IGFBP5: variants seen among roughly 807,000 people sequenced by gnomAD.
IGFBP5 encodes the protein insulin-like growth factor-binding protein 5.
In IGFBP5, 12 loss-of-function variants were observed where a neutral mutation model predicts 28.0. That is an observed-to-expected ratio of 0.43 (90% CI 0.27 to 0.69). The LOEUF is 0.69. IGFBP5 is among the 30% of genes least tolerant of loss of function. IGFBP5 has a pLI of 0.20. For missense variants in IGFBP5, 344 were observed against 381.6 expected, an observed-to-expected ratio of 0.90 and a Z score of 0.82; for synonymous variants, 152 against 150.2, an observed-to-expected ratio of 1.01 and a Z score of -0.09.
In IGFBP5 at chr2:216,684,127, A is replaced by G. The variant is rs749052422; in HGVS notation, c.338-5048T>C. Among the ~76,000 whole-genome samples, 49 of 152,180 alleles carry G rather than the reference A, an allele frequency of 3.2e-4. No individual in the cohort carries two copies. In the Middle Eastern group the frequency reaches 0.02, roughly 63 times the overall value. ...CCAGAGGCATCTTAGGGTGAGAAAT[A>G]CTCCATGCTGCACAATTGCACAACG... is the stretch of plus-strand genomic sequence containing the variant. On this transcript the variant is annotated intron_variant, in intron 1 of 3. Coordinates refer to ENST00000233813, the MANE Select transcript of IGFBP5 (RefSeq NM_000599.4).
In IGFBP5 at chr2:216,679,951, GA is replaced by G. The variant is rs1688950857; in HGVS notation, c.338-873del. Among the ~76,000 whole-genome samples the G allele has an allele frequency of 6.6e-6, 1 of 152,178 alleles. No individual in the cohort carries two copies. The highest frequency in any genetic ancestry group is 1.5e-5 in the Non-Finnish European group (1 of 68,028). The stretch of plus-strand genomic sequence containing the variant: ...TGGCTTTTGACCTTTAGAGAAGTCA[GA>G]CTTTGTTGATGTATTTGTTGATCCT... On this transcript the variant is annotated intron_variant, in intron 1 of 3. Coordinates refer to ENST00000233813, the MANE Select transcript of IGFBP5 (RefSeq NM_000599.4). This position sits in a 1 kb window ranked among gnomAD's most constrained non-coding sequence, Gnocchi z 4.6.
In IGFBP5 at chr2:216,672,336, T is replaced by C. The variant is rs1688840019; in HGVS notation, c.*4415A>G. 6.7e-6 allele frequency: 1 copy of C among 149,504 alleles called. No individual in the cohort carries two copies. Among genetic ancestry groups the C allele is most frequent in the African/African-American group, 2.5e-5 (1 of 39,986 alleles). The allele number at this position is 149,504 out of a possible 1,614,324, so 9.3% of individuals were successfully genotyped here. On this transcript the variant is annotated 3_prime_UTR_variant, in exon 4 of 4. Transcript: ENST00000233813. ...TTTTTTTTCGGCTTTTTTTTTTTTTTCTCACAAACTGGTTGCATTTGTTGA... is the reference window on the plus strand; with the variant it reads ...TTTTTTTTCGGCTTTTTTTTTTTTTCCTCACAAACTGGTTGCATTTGTTGA...
chr2:216,694,414 T>G lies in IGFBP5; in HGVS notation c.337+25A>C. On this transcript the variant is annotated intron_variant, in intron 1 of 3. Transcript: ENST00000233813. The surrounding 1 kb of genome is among the most constrained non-coding windows in gnomAD (Gnocchi z 5.2). ...GTCCCCCGCCCGTGCGCCGCGTAAC[T>G]GACTGGCACACTGAGCGCGCTCACC... The G allele has an allele frequency of 6.8e-7, 1 of 1,473,484 alleles. No individual in the cohort carries two copies. Among genetic ancestry groups the G allele is most frequent in the Non-Finnish European group, 9.0e-7 (1 of 1,113,410 alleles). 91.3% of individuals were successfully genotyped at this position (1,473,484 alleles called of 1,614,324 possible). A position where few individuals can be genotyped will look rare whatever the true frequency, so the allele number is the denominator to read the frequency against.
chr2:216,677,245 C>T (rs747461568), intron 3 of IGFBP5, among the ~76,000 whole-genome samples: 2 of 151,944 alleles, frequency 1.3e-5, no homozygotes, highest in Non-Finnish European at 2.9e-5. Context: ...GGCTTATAGT[C>T]CCGTTTTAAA....
Position 216,694,604 on chromosome 2 carries a change from T to C in IGFBP5, c.172A>G (p.Thr58Ala). 6.5e-7 allele frequency: 1 copy of C among 1,543,994 alleles called. No homozygotes were observed. Among genetic ancestry groups the C allele is most frequent in the Admixed American group, 2.0e-5 (1 of 50,374 alleles). Residue 58 changes from threonine to alanine, a missense_variant, in exon 1 of 4, where the codon ACC becomes GCC. Thr to Ala is a moderately conservative substitution (Grantham distance 58). This residue lies in a region of IGFBP5 where 304 missense variants were observed against 329.2 expected (regional missense o/e 0.92). Coordinates refer to ENST00000233813, the MANE Select transcript of IGFBP5 (RefSeq NM_000599.4). This position sits in a 1 kb window ranked among gnomAD's most constrained non-coding sequence, Gnocchi z 5.2. Reference protein sequence around the residue: ...VKEPGCGCCMTCALAEGQSCG... With the variant: ...VKEPGCGCCMACALAEGQSCG... Reference sequence around the variant, plus strand: ...GACTGCCCCTCGGCCAGGGCGCAGGTCATGCAGCAGCCGCAGCCCGGCTCC... The same window carrying C: ...GACTGCCCCTCGGCCAGGGCGCAGGCCATGCAGCAGCCGCAGCCCGGCTCC...
rs1688848678 is a variant in IGFBP5 at position 216,672,804 on chromosome 2, T to C, written c.*3947A>G. 6.6e-6 allele frequency: 1 copy of C among 152,640 alleles called. No individual in the cohort carries two copies. Among genetic ancestry groups the C allele is most frequent in the Non-Finnish European group, 1.5e-5 (1 of 68,046 alleles). 9.5% of individuals were successfully genotyped at this position (152,640 alleles called of 1,614,324 possible). ...CAGAGTCTGTGAAATGACTAAACTA[T>C]ATACTCCATTAGAAAACCAAGAAAG... is the stretch of plus-strand genomic sequence containing the variant. On this transcript the variant is annotated 3_prime_UTR_variant, in exon 4 of 4. Coordinates refer to ENST00000233813, the MANE Select transcript of IGFBP5 (RefSeq NM_000599.4).
intron 1 of IGFBP5, among the ~76,000 whole-genome samples, chr2:216,685,514 T>A (rs1350723404): frequency 3.9e-5 from 6 of 152,116 alleles, no homozygotes; most frequent in African/African-American, 1.4e-4. Context: ...TGAGGCCCAG[T>A]CTAGAATGTT....
In IGFBP5 at chr2:216,692,618, G is replaced by C. The variant is rs971076343; in HGVS notation, c.337+1821C>G. On this transcript the variant is annotated intron_variant, in intron 1 of 3. Coordinates refer to ENST00000233813, the MANE Select transcript of IGFBP5 (RefSeq NM_000599.4). The surrounding 1 kb of genome is among the most constrained non-coding windows in gnomAD (Gnocchi z 4.2). Reference sequence around the variant, plus strand: ...AATTAATGTTTTCCTTCTCCGCTAGGCTTTTCCAAATCCACATCCCCCAAG... The same window carrying C: ...AATTAATGTTTTCCTTCTCCGCTAGCCTTTTCCAAATCCACATCCCCCAAG... Among the ~76,000 whole-genome samples, 1 of 152,136 alleles carries C rather than the reference G, an allele frequency of 6.6e-6. No homozygotes were observed. Among genetic ancestry groups the C allele is most frequent in the African/African-American group, 2.4e-5 (1 of 41,426 alleles).
rs1688851370 is a variant in IGFBP5 at position 216,672,959 on chromosome 2, CCT to C, written c.*3790_*3791del. The C allele has an allele frequency of 6.5e-6, 1 of 152,700 alleles. No individual in the cohort carries two copies. Among genetic ancestry groups the C allele is most frequent in the African/African-American group, 2.4e-5 (1 of 41,452 alleles). 9.5% of individuals were successfully genotyped at this position (152,700 alleles called of 1,614,324 possible). A position where few individuals can be genotyped will look rare whatever the true frequency, so the allele number is the denominator to read the frequency against. On this transcript the variant is annotated 3_prime_UTR_variant, in exon 4 of 4. Coordinates refer to ENST00000233813, the MANE Select transcript of IGFBP5 (RefSeq NM_000599.4). ...GCCCAGGTTGCTGGCTGGTGAAACC[CCT>C]GTCCCTCGTCCCTCCTCCACTTTGC...
At chr2:216,686,921 C>T (rs1325099680) in intron 1 of IGFBP5, among the ~76,000 whole-genome samples, 1 of 152,032 alleles carries the variant, frequency 6.6e-6, no homozygotes, top group South Asian at 2.1e-4. Flanking sequence ...AGTTTTCTCA[C>T]CTGTGTTATG....
rs747708561 is a variant in IGFBP5 at position 216,678,835 on chromosome 2, A to G, written c.567+15T>C. On this transcript the variant is annotated intron_variant, in intron 2 of 3. Transcript: ENST00000233813. ...TCAAAAGCTGGGAGGGAATGAGGGAATCCCCGAGATGCACCTGCTCAGACT... is the reference window on the plus strand; with the variant it reads ...TCAAAAGCTGGGAGGGAATGAGGGAGTCCCCGAGATGCACCTGCTCAGACT... 2 of 1,599,434 alleles carry G rather than the reference A, an allele frequency of 1.3e-6. No homozygotes were observed. Among genetic ancestry groups the G allele is most frequent in the Non-Finnish European group, 1.7e-6 (2 of 1,167,946 alleles).
intron 1 of IGFBP5, among the ~76,000 whole-genome samples, chr2:216,690,660 C>G (rs567385414): frequency 7.0e-4 from 85 of 121,626 alleles, no homozygotes; most frequent in African/African-American, 2.5e-3. Context: ...GCCCAAGCCC[C>G]GGGACTAACT....
intron 2 of IGFBP5, among the ~76,000 whole-genome samples, chr2:216,678,549 T>C (rs1157626412): frequency 1.3e-5 from 2 of 152,184 alleles, no homozygotes; most frequent in Admixed American, 6.5e-5. Context: ...TAGGAGAATA[T>C]TCAGTCTCTG....
At position 216,674,492 on chromosome 2, in the gene IGFBP5, G is replaced by A. The variant is rs1688871569; in HGVS notation, c.*2259C>T. On this transcript the variant is annotated 3_prime_UTR_variant, in exon 4 of 4. Coordinates refer to ENST00000233813, the MANE Select transcript of IGFBP5 (RefSeq NM_000599.4). The surrounding 1 kb of genome is among the most constrained non-coding windows in gnomAD (Gnocchi z 4.4). ...GGTTCCCATCAGTTGAAACAGATTT[G>A]CTTTTTCGCTATTCCTCTTCGTAGC... The A allele has an allele frequency of 6.6e-6, 1 of 152,358 alleles. No individual in the cohort carries two copies. The highest frequency in any genetic ancestry group is 2.4e-5 in the African/African-American group (1 of 41,456). The allele number at this position is 152,358 out of a possible 1,614,324, so 9.4% of individuals were successfully genotyped here.
Position 216,694,723 on chromosome 2 carries a change from G to A in IGFBP5, c.53C>T (p.Ala18Val). The A allele has an allele frequency of 2.0e-6, 3 of 1,465,258 alleles. No homozygotes were observed. The highest frequency in any genetic ancestry group is 2.9e-5 in the South Asian group (2 of 68,156). The allele number at this position is 1,465,258 out of a possible 1,614,324, so 90.8% of individuals were successfully genotyped here. Residue 18 changes from alanine to valine, a missense_variant, in exon 1 of 4, where the codon GCC (alanine) becomes GTC (valine). Around this residue, in one of 3 missense-constraint regions of IGFBP5, gnomAD observed 304 missense variants for 329.2 expected, o/e 0.92. Transcript: ENST00000233813. This position sits in a 1 kb window ranked among gnomAD's most constrained non-coding sequence, Gnocchi z 5.2. Reference protein sequence around the residue: ...LLLLAAYAGPAQSLGSFVHCE... With the variant: ...LLLLAAYAGPVQSLGSFVHCE... ...GTGCACGAAGGAGCCCAGGCTCTGG[G>A]CCGGCCCCGCATAGGCGGCCAGCAG...
rs1180882575 is a variant in IGFBP5 at position 216,676,754 on chromosome 2, C to G, written c.816G>C (p.Glu272Asp). 1 of 1,612,908 alleles carries G rather than the reference C, an allele frequency of 6.2e-7. No individual in the cohort carries two copies. Among genetic ancestry groups the G allele is most frequent in the Non-Finnish European group, 8.5e-7 (1 of 1,179,486 alleles). ...GGAAAGGTTGGGGGGGGACGCATCA[C>G]TCAACGTTGCTGCTGTCGAAGGTGT... ...QCHTFDSSNVE is the reference protein window; with the variant it reads ...QCHTFDSSNVD Residue 272 changes from glutamate (E) to aspartate (D), a missense_variant, in exon 4 of 4, where the codon GAG (glutamate) becomes GAC (aspartate). By Grantham distance (45) the Glu-to-Asp change is conservative. Transcript: ENST00000233813.
chr2:216,673,139 G>A lies in IGFBP5; in HGVS notation c.*3612C>T, dbSNP rs1387130795. On this transcript the variant is annotated 3_prime_UTR_variant, in exon 4 of 4. Transcript: ENST00000233813. The surrounding 1 kb of genome is among the most constrained non-coding windows in gnomAD (Gnocchi z 4.3). ...GTCCGGGGTACTGTCCCACCTTGAG[G>A]GGGGCTTGGCGGTTGCCGTGGCAGC... is the stretch of plus-strand genomic sequence containing the variant. The A allele has an allele frequency of 1.3e-5, 2 of 152,648 alleles. No individual in the cohort carries two copies. Among genetic ancestry groups the A allele is most frequent in the African/African-American group, 4.8e-5 (2 of 41,470 alleles). The allele number at this position is 152,648 out of a possible 1,614,324, so 9.5% of individuals were successfully genotyped here.
At position 216,688,808 on chromosome 2, in the gene IGFBP5, C is replaced by T. The variant is rs186288608; in HGVS notation, c.337+5631G>A. 1.7e-3 allele frequency among the ~76,000 whole-genome samples: 257 copies of T among 152,234 alleles called. 4 individuals are homozygous for T. Among genetic ancestry groups the T allele is most frequent in the African/African-American group, 6.0e-3 (250 of 41,538 alleles). Reference sequence around the variant, plus strand: ...TAGTTCACCTGGCAGGTCTGACTTACCGGAAAAAGGGGCCTATCTTATCTG... The same window carrying T: ...TAGTTCACCTGGCAGGTCTGACTTATCGGAAAAAGGGGCCTATCTTATCTG... On this transcript the variant is annotated intron_variant, in intron 1 of 3. Transcript: ENST00000233813.
chr2:216,687,386 G>C (rs1399644384), intron 1 of IGFBP5, among the ~76,000 whole-genome samples: 1 of 152,088 alleles, frequency 6.6e-6, no homozygotes, highest in Non-Finnish European at 1.5e-5. Flanking sequence ...GCCACAGGTG[G>C]GAAGGTGACA....
Sources: allele counts gnomAD v4.1 joint callset (sites outside exome capture counted in the v4.1 genomes callset), GRCh38; gene constraint gnomAD v4.1.1; regional missense constraint gnomAD v4.1.1; non-coding constraint Gnocchi (gnomAD v3.1); transcripts MANE v1.5; gene names NCBI Gene and HGNC (gene_info 2026-07-23, HGNC 2026-07-21).